DDX60L: variants seen among roughly 807,000 people sequenced by gnomAD.
DDX60L encodes DExD/H-box 60 like.
Under a neutral mutation model 211.6 loss-of-function variants are expected in DDX60L, and 191 were observed. The observed-to-expected ratio is 0.90, with a 90% CI of 0.80 to 1.02. The LOEUF (loss-of-function observed/expected upper bound fraction) is 1.02, where lower values mean the gene tolerates loss of function less well. Ranked by LOEUF, DDX60L falls within the 50% of genes least tolerant of loss-of-function variation. The pLI, the probability that DDX60L is intolerant of heterozygous loss-of-function variation, is 0.00. For missense variants in DDX60L, 2,007 were observed against 1,984.1 expected (o/e 1.01, Z -0.22); for synonymous variants, 706 against 694.1 (o/e 1.02, Z -0.27).
At chr4:168,449,075 G>A (rs1295369854) in intron 8 of DDX60L, among the ~76,000 whole-genome samples, 1 of 152,108 alleles carries the variant, frequency 6.6e-6, no homozygotes, top group Non-Finnish European at 1.5e-5. Flanking sequence ...CCTTTGTCAT[G>A]CAGGTCCTGG....
At chr4:168,377,065 C>A (rs772337046) in intron 33 of DDX60L, among the ~76,000 whole-genome samples, 1 of 152,038 alleles carries the variant, frequency 6.6e-6, no homozygotes, top group East Asian at 1.9e-4. Flanking sequence ...CCAAGGCGGG[C>A]GCATCACTTG....
At chr4:168,430,201 GAAAAGA>G (rs1035062154) in intron 13 of DDX60L, among the ~76,000 whole-genome samples, 5 of 151,916 alleles carry the variant, frequency 3.3e-5, no homozygotes, top group Admixed American at 6.6e-5. Context: ...CTCCATCTCA[GAAAAGA>G]AAAAGAAAAA....
intron 36 of DDX60L, among the ~76,000 whole-genome samples, chr4:168,370,566 T>C (rs1379130320): frequency 6.6e-6 from 1 of 152,090 alleles, no homozygotes; most frequent in Non-Finnish European, 1.5e-5. Context: ...GATTACAAAG[T>C]AGCCAGAAGA....
chr4:168,449,353 A>T (rs1283863969), intron 8 of DDX60L, among the ~76,000 whole-genome samples: 3 of 149,022 alleles, frequency 2.0e-5, no homozygotes, highest in Non-Finnish European at 3.0e-5. Context: ...TTCTCAGTAA[A>T]CTATCGCAAG....
chr4:168,360,295 A>C (rs551923130), intron 37 of DDX60L, among the ~76,000 whole-genome samples: 6 of 152,328 alleles, frequency 3.9e-5, no homozygotes, highest in African/African-American at 1.4e-4. Context: ...AGATACATTT[A>C]AAATCTCCAA....
chr4:168,442,848 A>C (rs1754148109), intron 9 of DDX60L, among the ~76,000 whole-genome samples: 1 of 151,404 alleles, frequency 6.6e-6, no homozygotes, highest in Admixed American at 6.6e-5. Context: ...AACAAACAGA[A>C]AGGACATCCA....
At chr4:168,402,675 T>A (rs997842123) in intron 25 of DDX60L, among the ~76,000 whole-genome samples, 4 of 152,164 alleles carry the variant, frequency 2.6e-5, no homozygotes, top group Non-Finnish European at 5.9e-5. Flanking sequence ...CGCCTCTACA[T>A]GGGCACCAGT....
intron 37 of DDX60L, among the ~76,000 whole-genome samples, chr4:168,359,715 T>C (rs1417012075): frequency 2.6e-5 from 4 of 152,212 alleles, no homozygotes. Context: ...CACCTTTGTC[T>C]ACCATTTTAA....
At chr4:168,412,306 C>T (rs1265339852) in intron 22 of DDX60L, among the ~76,000 whole-genome samples, 1 of 151,974 alleles carries the variant, frequency 6.6e-6, no homozygotes. Context: ...AAGTGCAGGC[C>T]CTGGCTCTTG....
At chr4:168,433,162 C>A (rs770345444) in intron 10 of DDX60L, 47 bp from the exon 11 acceptor site, 3 of 1,230,382 alleles carry the variant, frequency 2.4e-6, no homozygotes, top group African/African-American at 1.5e-5. Context: ...TGTAACTATC[C>A]TATATGAATT....
chr4:168,420,454 CCATACACATACACACACACA>C (rs2149869998), intron 17 of DDX60L, 74 bp from the exon 18 acceptor site: 7 of 744,156 alleles, frequency 9.4e-6, no homozygotes, highest in African/African-American at 2.4e-5. Context: ...ACAACCGAAT[CCATACACATACACACACACA>C]CACACACACA....
chr4:168,466,351 G>A (rs993701658), intron 4 of DDX60L, among the ~76,000 whole-genome samples: 1 of 152,176 alleles, frequency 6.6e-6, no homozygotes, highest in African/African-American at 2.4e-5. Context: ...AAGGATAAAT[G>A]AGGGCAGAAG....
Position 168,406,080 on chromosome 4 carries a change from T to C in DDX60L, c.3085-2A>G. 1 of 1,587,566 alleles carries C rather than the reference T, an allele frequency of 6.3e-7. No individual in the cohort carries two copies. Among genetic ancestry groups the C allele is most frequent in the Non-Finnish European group, 8.5e-7 (1 of 1,171,474 alleles). ...AATGAATTCCTCTGGACACAATTCCTTGGGGGGAAAATTATCACAAAATTA... is the reference window on the plus strand; with the variant it reads ...AATGAATTCCTCTGGACACAATTCCCTGGGGGGAAAATTATCACAAAATTA... On this transcript the variant is annotated splice_acceptor_variant, in intron 23 of 37. Transcript: ENST00000682922. LOFTEE classifies it high-confidence loss of function.
intron 15 of DDX60L, among the ~76,000 whole-genome samples, chr4:168,422,970 T>A (rs1443062858): frequency 4.1e-5 from 1 of 24,404 alleles, no homozygotes; most frequent in Non-Finnish European, 8.4e-5. Context: ...TGGCTAATAT[T>A]GTGTGTGTGT....
Position 168,369,992 on chromosome 4 carries a change from C to T in DDX60L, c.4928+1620G>A, listed in dbSNP as rs372492373. On this transcript the variant is annotated intron_variant, in intron 36 of 37. Coordinates refer to ENST00000682922, the MANE Select transcript of DDX60L (RefSeq NM_001012967.3). ...GGGTAGGATTATAAATGAGTATATCCATTATGGAAAACAGTGTGTAAATTC... is the reference window on the plus strand; with the variant it reads ...GGGTAGGATTATAAATGAGTATATCTATTATGGAAAACAGTGTGTAAATTC... Among the ~76,000 whole-genome samples the T allele has an allele frequency of 2.6e-5, 4 of 152,026 alleles. No individual in the cohort carries two copies. In the East Asian group the frequency reaches 7.7e-4, roughly 29 times the overall value.
At chr4:168,392,779 G>T (rs993700245) in intron 28 of DDX60L, among the ~76,000 whole-genome samples, 15 of 150,182 alleles carry the variant, frequency 1.0e-4, no homozygotes, top group African/African-American at 3.4e-4. Context: ...GACGGACGTT[G>T]CAGCGAGCCG....
At chr4:168,435,412 G>C (rs1389131621) in intron 10 of DDX60L, among the ~76,000 whole-genome samples, 1 of 152,200 alleles carries the variant, frequency 6.6e-6, no homozygotes, top group African/African-American at 2.4e-5. Context: ...CAGGAGTGCT[G>C]ATTTTCCTCA....
chr4:168,460,057 G>A (rs573170886), intron 5 of DDX60L, among the ~76,000 whole-genome samples: 25 of 152,066 alleles, frequency 1.6e-4, no homozygotes, highest in South Asian at 1.2e-3. Flanking sequence ...AAACAAAGGC[G>A]GAGTTCCAAT....
intron 26 of DDX60L, 110 bp downstream of exon 26, chr4:168,400,716 G>C: frequency 1.1e-6 from 1 of 932,874 alleles, no homozygotes; most frequent in East Asian, 2.7e-5. Flanking sequence ...AAACTGTGAA[G>C]CAATAACAAG....
Sources: allele counts gnomAD v4.1 joint callset (sites outside exome capture counted in the v4.1 genomes callset), GRCh38; gene constraint gnomAD v4.1.1; transcripts MANE v1.5; gene names NCBI Gene and HGNC (gene_info 2026-07-23, HGNC 2026-07-21).